The following PACRGL variants were observed in gnomAD, a reference collection of about 807,000 sequenced individuals.
PACRGL encodes the protein PACRG-like protein.
In PACRGL, 38 loss-of-function variants were observed where a neutral mutation model predicts 34.5. The ratio of observed to expected loss-of-function variants is 1.10; its 90% CI spans 0.85 to 1.44. PACRGL has a LOEUF of 1.44. Among genes scored for constraint, PACRGL ranks in the 40% most tolerant of loss-of-function variants. The pLI, the probability that PACRGL is intolerant of heterozygous loss-of-function variation, is 0.00. For missense variants in PACRGL, 305 were observed against 281.4 expected (o/e 1.08, Z -0.60); for synonymous variants, 128 against 100.1 (o/e 1.28, Z -1.66).
chr4:20,761,297 A>G, the PACRGL span, among the ~76,000 whole-genome samples: 55 of 152,168 alleles, frequency 3.6e-4, no homozygotes, highest in Non-Finnish European at 6.6e-4. Context: ...AAGTCTCTTT[A>G]TACTCACACA....
chr4:20,749,223 C>T (rs1211434545), intron 8 of PACRGL, among the ~76,000 whole-genome samples: 2 of 151,462 alleles, frequency 1.3e-5, no homozygotes, highest in Non-Finnish European at 2.9e-5. Context: ...GAGATTTCCT[C>T]GTAGAATTGT....
intron 3 of PACRGL, among the ~76,000 whole-genome samples, chr4:20,707,311 A>C (rs889845935): frequency 2.0e-5 from 3 of 152,194 alleles, no homozygotes; most frequent in Non-Finnish European, 2.9e-5. Context: ...AAATACATCC[A>C]GGCATATATT....
Position 20,727,545 on chromosome 4 carries a change from A to G in PACRGL, c.*204A>G, listed in dbSNP as rs977971375. On this transcript the variant is annotated 3_prime_UTR_variant, in exon 9 of 9. Coordinates refer to ENST00000503585, the MANE Select transcript of PACRGL (RefSeq NM_001258345.3). ...AAGTTATTAAAATAAGTTCTATAAG[A>G]GTACAATTTTGAGGTTTATTTTTTG... 1.1e-5 allele frequency: 5 copies of G among 456,812 alleles called. No homozygotes were observed. Among genetic ancestry groups the G allele is most frequent in the African/African-American group, 3.9e-5 (2 of 51,348 alleles). 28.3% of individuals were successfully genotyped at this position (456,812 alleles called of 1,614,324 possible). A position where few individuals can be genotyped will look rare whatever the true frequency, so the allele number is the denominator to read the frequency against.
At chr4:20,748,560 TTATATATATATATATATATATATATATA>T (rs3075750) in intron 8 of PACRGL, among the ~76,000 whole-genome samples, 10 of 64,908 alleles carry the variant, frequency 1.5e-4, no homozygotes, top group South Asian at 5.6e-4. Context: ...CTTCCAAATT[TTATATATATATATATATATATATATATA>T]TATATATATA....
chr4:20,748,350 G>C (rs1434606373), intron 8 of PACRGL, among the ~76,000 whole-genome samples: 3 of 151,782 alleles, frequency 2.0e-5, no homozygotes, highest in Non-Finnish European at 4.4e-5. Flanking sequence ...CCAAGCCTTT[G>C]TTCTCTTAAG....
At chr4:20,716,206 G>T in intron 7 of PACRGL, 1 of 960,082 alleles carries the variant, frequency 1.0e-6, no homozygotes, top group East Asian at 2.6e-5. Flanking sequence ...GGCTGTTATG[G>T]TTTCTTACAA....
chr4:20,731,306 T>TTAAG lies in PACRGL; in HGVS notation c.*3967_*3970dup. On this transcript the variant is annotated 3_prime_UTR_variant, in exon 9 of 9. Coordinates refer to ENST00000503585, the MANE Select transcript of PACRGL (RefSeq NM_001258345.3). ...CCACATTGGACTCAAAATCCTGGCCTTAAGTTATCTTCCCGCCTCAGCCTC... is the reference window on the plus strand; with the variant it reads ...CCACATTGGACTCAAAATCCTGGCCTTAAGTAAGTTATCTTCCCGCCTCAGCCTC... The TTAAG allele has an allele frequency of 1.3e-6, 1 of 793,804 alleles. No homozygotes were observed. Among genetic ancestry groups the TTAAG allele is most frequent in the Middle Eastern group, 6.4e-4 (1 of 1,554 alleles). 49.2% of individuals were successfully genotyped at this position (793,804 alleles called of 1,614,324 possible).
At chr4:20,704,391 G>T in intron 1 of PACRGL, 75 bp from the exon 2 acceptor site, 1 of 1,392,386 alleles carries the variant, frequency 7.2e-7, no homozygotes, top group African/African-American at 1.4e-5. Flanking sequence ...CTCTGTTCTG[G>T]TTTTGTCTTT....
intron 7 of PACRGL, among the ~76,000 whole-genome samples, 169 bp downstream of exon 7, chr4:20,713,708 G>A (rs1037839748): frequency 3.5e-4 from 53 of 152,114 alleles, no homozygotes; most frequent in Non-Finnish European, 5.1e-4. Flanking sequence ...CTTTGTTCTC[G>A]TTGGTTTCAA....
At position 20,728,206 on chromosome 4, in the gene PACRGL, G is replaced by A. The variant is rs1746564257; in HGVS notation, c.*865G>A. The A allele has an allele frequency of 6.6e-6, 1 of 152,138 alleles. No individual in the cohort carries two copies. The highest frequency in any genetic ancestry group is 6.5e-5 in the Admixed American group (1 of 15,268). The allele number at this position is 152,138 out of a possible 1,614,324, so 9.4% of individuals were successfully genotyped here. On this transcript the variant is annotated 3_prime_UTR_variant, in exon 9 of 9. Transcript: ENST00000503585. ...TCTAATTCTGTAAATTCTATTACAA[G>A]TATGTTGTTTATTACAACTCATTAC...
chr4:20,716,014 A>C (rs551961436), intron 7 of PACRGL: 4 of 1,255,782 alleles, frequency 3.2e-6, no homozygotes, highest in Admixed American at 2.7e-5. Flanking sequence ...TTTGTTTTTC[A>C]TTGCGATGTT....
At chr4:20,704,157 CTG>C (rs941388433) in intron 1 of PACRGL, among the ~76,000 whole-genome samples, 70 of 152,228 alleles carry the variant, frequency 4.6e-4, no homozygotes, top group African/African-American at 1.5e-3. Context: ...GAAATCTAGT[CTG>C]TGTTTTCTAA....
At chr4:20,739,036 A>C (rs1230638716) in intron 8 of PACRGL, among the ~76,000 whole-genome samples, 1 of 152,190 alleles carries the variant, frequency 6.6e-6, no homozygotes, top group Non-Finnish European at 1.5e-5. Flanking sequence ...AGTGAGGCTG[A>C]GGGAGGGGCG....
rs1747219681 is a variant in PACRGL at position 20,729,450 on chromosome 4, A to T, written c.*2109A>T. On this transcript the variant is annotated 3_prime_UTR_variant, in exon 9 of 9. Transcript: ENST00000503585. The stretch of plus-strand genomic sequence containing the variant: ...TATTAAAATAAGTTTTATTAGGCAT[A>T]TGCTGATATCTGATAATAAACTAAT... 1 of 152,106 alleles carries T rather than the reference A, an allele frequency of 6.6e-6. No homozygotes were observed. Among genetic ancestry groups the T allele is most frequent in the Non-Finnish European group, 1.5e-5 (1 of 67,974 alleles). 9.4% of individuals were successfully genotyped at this position (152,106 alleles called of 1,614,324 possible).
intron 7 of PACRGL, among the ~76,000 whole-genome samples, chr4:20,722,370 C>G (rs527614747): frequency 1.2e-4 from 19 of 152,306 alleles, no homozygotes; most frequent in African/African-American, 4.6e-4. Flanking sequence ...GAGATGAACC[C>G]GGTACCTCAG....
rs545813102 is a variant in PACRGL at position 20,712,255 on chromosome 4, A to AT, written c.367-523dup. On this transcript the variant is annotated intron_variant, in intron 5 of 8. Transcript: ENST00000503585. ...CATTTCTTTTCTTTTCCTTTTTCTTATTTTTTTTTTCTTCTCCCTTCCTTC... is the reference window on the plus strand; with the variant it reads ...CATTTCTTTTCTTTTCCTTTTTCTTATTTTTTTTTTTCTTCTCCCTTCCTTC... Among the ~76,000 whole-genome samples, 269 of 112,350 alleles carry AT rather than the reference A, an allele frequency of 2.4e-3. 1 individual carries two copies. Among genetic ancestry groups the AT allele is most frequent in the Non-Finnish European group, 3.1e-3 (159 of 51,724 alleles). The allele number at this position is 112,350 out of a possible 152,430, so 73.7% of individuals were successfully genotyped here.
the PACRGL span, among the ~76,000 whole-genome samples, chr4:20,758,353 A>G: frequency 6.6e-6 from 1 of 152,172 alleles, no homozygotes; most frequent in Non-Finnish European, 1.5e-5. Context: ...AGGCTGCAGA[A>G]AATCTAGGTT....
At chr4:20,767,222 T>C in the PACRGL span, 1 of 152,192 alleles carries the variant, frequency 6.6e-6, no homozygotes, top group African/African-American at 2.4e-5. Context: ...GAAGTATATA[T>C]GAATTACGCT....
At chr4:20,752,046 C>G (rs1282753510) in intron 8 of PACRGL, among the ~76,000 whole-genome samples, 1 of 140,068 alleles carries the variant, frequency 7.1e-6, no homozygotes, top group Non-Finnish European at 1.5e-5. Context: ...TCAGTATGTA[C>G]TTCATAGAGT....
Sources: allele counts gnomAD v4.1 joint callset (sites outside exome capture counted in the v4.1 genomes callset), GRCh38; gene constraint gnomAD v4.1.1; transcripts MANE v1.5; gene names NCBI Gene and HGNC (gene_info 2026-07-23, HGNC 2026-07-21).